RHBDD1: variants seen among roughly 807,000 people sequenced by gnomAD.
RHBDD1 encodes the protein rhomboid-related protein 4.
A neutral mutation model predicts 36.3 loss-of-function variants in RHBDD1; 38 were observed. The observed-to-expected ratio is 1.05, with a 90% CI of 0.81 to 1.37. The LOEUF is 1.37. Among genes scored for constraint, RHBDD1 ranks in the 40% most tolerant of loss-of-function variants. RHBDD1 has a pLI of 0.00. For synonymous variants in RHBDD1, 151 were observed against 136.5 expected (o/e 1.11, Z -0.74); for missense variants, 393 against 377.6 (o/e 1.04, Z -0.34).
intron 5 of RHBDD1, among the ~76,000 whole-genome samples, chr2:226,875,287 G>A (rs1559220595): frequency 6.6e-6 from 1 of 152,116 alleles, no homozygotes; most frequent in Non-Finnish European, 1.5e-5. Context: ...ACTGTCTCAG[G>A]TATTTTTACT....
In RHBDD1 at chr2:226,912,108, A is replaced by C. The variant is rs546009333; in HGVS notation, c.713-2100A>C. On this transcript the variant is annotated intron_variant, in intron 7 of 8. Transcript: ENST00000392062. The stretch of plus-strand genomic sequence containing the variant: ...GAAGATACACACATGGCCAATAAGC[A>C]CATAAAAAGACACTCAGCATTATTA... 2.0e-5 allele frequency among the ~76,000 whole-genome samples: 3 copies of C among 152,286 alleles called. No individual in the cohort carries two copies. In the South Asian group the frequency reaches 6.2e-4, roughly 32 times the overall value.
At chr2:226,841,403 T>C (rs1451803466) in intron 3 of RHBDD1, among the ~76,000 whole-genome samples, 1 of 152,214 alleles carries the variant, frequency 6.6e-6, no homozygotes, top group Non-Finnish European at 1.5e-5. Flanking sequence ...CAGATCATCC[T>C]GTCACCTAGG....
chr2:226,901,176 G>A (rs777523201), intron 5 of RHBDD1, among the ~76,000 whole-genome samples: 10 of 152,080 alleles, frequency 6.6e-5, no homozygotes, highest in Non-Finnish European at 1.2e-4. Flanking sequence ...AGATTTGTCC[G>A]TGTTGTCTTA....
chr2:226,914,323 A>G lies in RHBDD1; in HGVS notation c.828A>G (p.Arg276=). The G allele has an allele frequency of 6.2e-7, 1 of 1,613,378 alleles. No individual in the cohort carries two copies. The highest frequency in any genetic ancestry group is 8.5e-7 in the Non-Finnish European group (1 of 1,179,634). Residue 276 remains arginine (R), a synonymous_variant, in exon 8 of 9, where the codon AGA becomes AGG. Coordinates refer to ENST00000392062, the MANE Select transcript of RHBDD1 (RefSeq NM_001167608.3). ...AGLSEEEQLE[R]ALQASLWDRG... ...TGAGTGAAGAAGAACAGCTCGAGAG[A>G]GCATTACAAGCCAGCCTCTGGGACC...
chr2:226,890,890 T>C (rs1158370113), intron 5 of RHBDD1, among the ~76,000 whole-genome samples: 1 of 152,166 alleles, frequency 6.6e-6, no homozygotes, highest in African/African-American at 2.4e-5. Context: ...ACTATTAAAA[T>C]TTCTAATGGT....
chr2:226,952,098 C>T (rs1003865821), intron 8 of RHBDD1, among the ~76,000 whole-genome samples: 1 of 151,992 alleles, frequency 6.6e-6, no homozygotes, highest in Admixed American at 6.6e-5. Context: ...GAGATGGTAG[C>T]GTGCAGCCCA....
chr2:226,864,831 GA>G lies in RHBDD1; in HGVS notation c.140del (p.Lys47SerfsTer47). The G allele has an allele frequency of 1.2e-6, 2 of 1,614,188 alleles. No individual in the cohort carries two copies. Among genetic ancestry groups the G allele is most frequent in the Non-Finnish European group, 1.7e-6 (2 of 1,180,050 alleles). ...ACATCTGGTTCTTCTTGAACCCTCA[GA>G]AGCCACTGTATAGCTCCTGCCTTAG... ...LNIWFFLNPQKPLYSSCLSVE... is the reference protein window; with the variant it reads ...LNIWFFLNPQXPLYSSCLSVE... On this transcript the variant is annotated frameshift_variant, in exon 4 of 9. Transcript: ENST00000392062. LOFTEE classifies it high-confidence loss of function.
intron 8 of RHBDD1, among the ~76,000 whole-genome samples, chr2:226,962,881 C>T (rs1389284421): frequency 6.6e-6 from 1 of 152,144 alleles, no homozygotes; most frequent in Admixed American, 6.5e-5. Context: ...CAAAGTTGAG[C>T]CCTCTTCTCT....
chr2:226,897,975 G>T (rs903934308), intron 5 of RHBDD1, among the ~76,000 whole-genome samples: 1 of 151,134 alleles, frequency 6.6e-6, no homozygotes, highest in African/African-American at 2.5e-5. Context: ...GCAAAACTCC[G>T]TCTCAAAAAA....
At chr2:226,851,467 G>A (rs1942801030) in intron 3 of RHBDD1, among the ~76,000 whole-genome samples, 2 of 152,206 alleles carry the variant, frequency 1.3e-5, no homozygotes, top group African/African-American at 2.4e-5. Context: ...AAATCTAGGA[G>A]CCGAATTAGG....
chr2:226,960,389 A>C (rs1952105740), intron 8 of RHBDD1, among the ~76,000 whole-genome samples: 1 of 152,106 alleles, frequency 6.6e-6, no homozygotes, highest in African/African-American at 2.4e-5. Flanking sequence ...CATCCAGCTT[A>C]CTCTGTGCAT....
the RHBDD1 span, among the ~76,000 whole-genome samples, chr2:226,829,982 T>G: frequency 4.6e-5 from 7 of 152,176 alleles, no homozygotes; most frequent in African/African-American, 1.4e-4. Context: ...GTAGGTTTTT[T>G]TTTTTATAGA....
chr2:226,879,038 G>A (rs937193145), intron 5 of RHBDD1, among the ~76,000 whole-genome samples: 38 of 140,756 alleles, frequency 2.7e-4, no homozygotes, highest in African/African-American at 7.9e-4. Flanking sequence ...TTAAAAGGAC[G>A]TGAAATCAAT....
intron 8 of RHBDD1, among the ~76,000 whole-genome samples, chr2:226,973,996 C>T (rs976642311): frequency 2.0e-5 from 3 of 152,148 alleles, no homozygotes; most frequent in East Asian, 1.9e-4. Context: ...GGGTAAGAGG[C>T]CCAGTGCCCC....
chr2:226,959,937 C>G (rs1319865098), intron 8 of RHBDD1, among the ~76,000 whole-genome samples: 3 of 152,154 alleles, frequency 2.0e-5, no homozygotes, highest in Admixed American at 6.5e-5. Flanking sequence ...ATTCTCCTGC[C>G]TCAGCCTCCC....
At chr2:226,966,869 G>A (rs1168413370) in intron 8 of RHBDD1, among the ~76,000 whole-genome samples, 1 of 151,952 alleles carries the variant, frequency 6.6e-6, no homozygotes, top group Non-Finnish European at 1.5e-5. Flanking sequence ...ATGGGAGTGG[G>A]GTGGGTTGTG....
At chr2:226,867,726 C>CTT in intron 5 of RHBDD1, 14 of 826,782 alleles carry the variant, frequency 1.7e-5, no homozygotes, top group Non-Finnish European at 2.0e-5. Flanking sequence ...TATTATTATT[C>CTT]TTTTTTTTTT....
chr2:226,845,270 A>G (rs1273558344), intron 3 of RHBDD1, among the ~76,000 whole-genome samples: 3 of 152,254 alleles, frequency 2.0e-5, no homozygotes, highest in African/African-American at 7.2e-5. Context: ...ATGTTATCAC[A>G]AAAACATTTT....
chr2:226,913,841 A>G (rs1208179967), intron 7 of RHBDD1, among the ~76,000 whole-genome samples: 1 of 152,202 alleles, frequency 6.6e-6, no homozygotes, highest in East Asian at 1.9e-4. Context: ...TGTTTCCACC[A>G]TTCTCTTGAC....
Sources: gnomAD v4.1 joint callset for allele counts (sites outside exome capture counted in the v4.1 genomes callset) on GRCh38, gnomAD v4.1.1 for gene constraint, MANE v1.5 for transcripts, NCBI Gene and HGNC (gene_info 2026-07-23, HGNC 2026-07-21) for gene names.